The following SPTAN1 variants were observed in gnomAD, a reference collection of about 807,000 sequenced individuals.
The protein encoded by SPTAN1 is spectrin alpha, non-erythrocytic 1, also known as spectrin alpha chain, non-erythrocytic 1.
In SPTAN1, 61 loss-of-function variants were observed where a neutral mutation model predicts 331.3. The observed-to-expected ratio is 0.18, with a 90% CI of 0.15 to 0.23. The LOEUF is 0.23. SPTAN1 is among the 10% of genes least tolerant of loss of function. The pLI, the probability that SPTAN1 is intolerant of heterozygous loss-of-function variation, is 1.00. For synonymous variants in SPTAN1, 1,153 were observed against 1,173.9 expected, an observed-to-expected ratio of 0.98 and a Z score of 0.36; for missense variants, 2,043 against 3,147.9, an observed-to-expected ratio of 0.65 and a Z score of 8.40.
intron 21 of SPTAN1, among the ~76,000 whole-genome samples, chr9:128,589,413 C>T (rs1398666634): frequency 2.0e-5 from 3 of 151,652 alleles, no homozygotes; most frequent in Non-Finnish European, 2.9e-5. Flanking sequence ...CTCAGCCTCC[C>T]GAGTAGCTGG....
At chr9:128,565,350 GAATGTTTCC>G (rs1849900035) in intron 1 of SPTAN1, among the ~76,000 whole-genome samples, 1 of 152,156 alleles carries the variant, frequency 6.6e-6, no homozygotes, top group Admixed American at 6.6e-5. Context: ...GCATGGCGAA[GAATGTTTCC>G]TTTTATAGTA....
chr9:128,576,803 C>T lies in SPTAN1; in HGVS notation c.652-20C>T, dbSNP rs1234760542. On this transcript the variant is annotated intron_variant, in intron 5 of 56. Transcript: ENST00000372739. ...GCCAGAAGTTGTGTACAAATCCAGT[C>T]TCTTCTCTTCCTTGTTTAGGAGCAG... 1.2e-6 allele frequency: 2 copies of T among 1,612,964 alleles called. No individual in the cohort carries two copies. Among genetic ancestry groups the T allele is most frequent in the East Asian group, 2.2e-5 (1 of 44,884 alleles).
intron 1 of SPTAN1, among the ~76,000 whole-genome samples, chr9:128,566,353 CT>C (rs1468608535): frequency 6.6e-6 from 1 of 152,100 alleles, no homozygotes; most frequent in Non-Finnish European, 1.5e-5. Flanking sequence ...ACCGCACCCC[CT>C]GCTTGAAAGG....
chr9:128,596,299 C>T (rs1554753137), intron 24 of SPTAN1: 1 of 151,140 alleles, frequency 6.6e-6, no homozygotes, highest in Non-Finnish European at 1.5e-5. Flanking sequence ...TTTTTCGAGA[C>T]AGAGTCTCTC....
chr9:128,558,640 G>T (rs1323383984), intron 1 of SPTAN1, among the ~76,000 whole-genome samples: 2 of 152,134 alleles, frequency 1.3e-5, no homozygotes, highest in Admixed American at 6.5e-5. Flanking sequence ...CCTTTCTGGT[G>T]CTCTCAAAAG....
rs374834326 is a variant in SPTAN1, at chr9:128,607,839, C to T, written c.4147-13C>T. 2 of 1,613,824 alleles carry T rather than the reference C, an allele frequency of 1.2e-6. No homozygotes were observed. The highest frequency in any genetic ancestry group is 1.7e-6 in the Non-Finnish European group (2 of 1,180,026). On this transcript the variant is annotated splice_polypyrimidine_tract_variant and intron_variant, in intron 32 of 56. Transcript: ENST00000372739. ...TGCTGCCAGTTACCTAATCCCTTCC[C>T]TCCTTTTGGCAGGAACACCGGACAG...
At chr9:128,622,262 G>A (rs940144030) in intron 45 of SPTAN1, among the ~76,000 whole-genome samples, 1 of 146,058 alleles carries the variant, frequency 6.8e-6, no homozygotes, top group Non-Finnish European at 1.5e-5. Flanking sequence ...CAGTGTGAGT[G>A]TCCTTCAGCC....
At chr9:128,557,435 G>A (rs972926405) in intron 1 of SPTAN1, among the ~76,000 whole-genome samples, 6 of 152,138 alleles carry the variant, frequency 3.9e-5, no homozygotes, top group South Asian at 4.1e-4. Context: ...CCTTTGGTTC[G>A]AAAATGTTTG....
At chr9:128,603,921 G>A (rs1025069753) in intron 28 of SPTAN1, among the ~76,000 whole-genome samples, 2 of 152,222 alleles carry the variant, frequency 1.3e-5, no homozygotes, top group East Asian at 1.9e-4. Flanking sequence ...GTGGCGTGTC[G>A]GCTCTTCCCA....
Position 128,625,095 on chromosome 9 carries a change from T to C in SPTAN1, c.5993-8T>C. 1.2e-6 allele frequency: 2 copies of C among 1,614,078 alleles called. No individual in the cohort carries two copies. The highest frequency in any genetic ancestry group is 1.7e-6 in the Non-Finnish European group (2 of 1,179,978). ...AGGGCAGTATATTTTCCACACTTCG[T>C]TTTCTAGGTGAAAAGGAGAACAGCT... On this transcript the variant is annotated splice_polypyrimidine_tract_variant and splice_region_variant and intron_variant, in intron 46 of 56. Coordinates refer to ENST00000372739, the MANE Select transcript of SPTAN1 (RefSeq NM_001130438.3). This position sits in a 1 kb window ranked among gnomAD's most constrained non-coding sequence, Gnocchi z 4.1.
rs753881190 is a variant in SPTAN1 at position 128,578,206 on chromosome 9, T to C, written c.1182T>C (p.Ala394=). ...CAGATGAGCTTGCCAGTGATGTGGC[T>C]GGGGCTGAAGCCCTGCTAGATAGAC... ...INADELASDV[A]GAEALLDRHQ... Residue 394 remains alanine, a synonymous_variant, in exon 9 of 57, where the codon GCT becomes GCC. Coordinates refer to ENST00000372739, the MANE Select transcript of SPTAN1 (RefSeq NM_001130438.3). 1 of 1,614,182 alleles carries C rather than the reference T, an allele frequency of 6.2e-7. No individual in the cohort carries two copies. The highest frequency in any genetic ancestry group is 8.5e-7 in the Non-Finnish European group (1 of 1,180,040).
chr9:128,573,003 C>T (rs1289374304), intron 3 of SPTAN1, among the ~76,000 whole-genome samples: 1 of 152,158 alleles, frequency 6.6e-6, no homozygotes, highest in African/African-American at 2.4e-5. Flanking sequence ...TAAGAGAATC[C>T]ACCCATGTTG....
chr9:128,600,005 C>A, intron 26 of SPTAN1, 75 bp from the exon 27 acceptor site: 2 of 1,476,720 alleles, frequency 1.4e-6, no homozygotes, highest in South Asian at 1.1e-5. Context: ...AAACTAGAGT[C>A]ATTCGCTGGA....
Position 128,568,202 on chromosome 9 carries a change from C to G in SPTAN1, c.238-570C>G, listed in dbSNP as rs536550863. On this transcript the variant is annotated intron_variant, in intron 2 of 56. Coordinates refer to ENST00000372739, the MANE Select transcript of SPTAN1 (RefSeq NM_001130438.3). The stretch of plus-strand genomic sequence containing the variant: ...ACTATAAAAAATTGATTACAGTAAC[C>G]TAAGAAGAGAATGAAGAACACTGCT... 2.0e-5 allele frequency among the ~76,000 whole-genome samples: 3 copies of G among 152,166 alleles called. No homozygotes were observed. In the South Asian group the frequency reaches 6.2e-4, roughly 32 times the overall value.
chr9:128,591,458 C>T lies in SPTAN1; in HGVS notation c.3007-19C>T, dbSNP rs779899640. On this transcript the variant is annotated intron_variant, in intron 21 of 56. Coordinates refer to ENST00000372739, the MANE Select transcript of SPTAN1 (RefSeq NM_001130438.3). ...TCAGAGAAGGAATTTACTTTCAGTT[C>T]TCCCTCTTTTTTCCTTAGGATTGGT... 1.1e-5 allele frequency: 18 copies of T among 1,613,892 alleles called. No homozygotes were observed. The highest frequency in any genetic ancestry group is 1.5e-5 in the Non-Finnish European group (18 of 1,179,918).
chr9:128,624,079 T>C (rs1858346075), intron 45 of SPTAN1, among the ~76,000 whole-genome samples: 1 of 95,880 alleles, frequency 1.0e-5, no homozygotes, highest in Admixed American at 1.5e-4. Context: ...TGAAATTCAC[T>C]CCGTCTCAAA....
chr9:128,570,947 C>T (rs978094045), intron 3 of SPTAN1, among the ~76,000 whole-genome samples: 3 of 152,226 alleles, frequency 2.0e-5, no homozygotes, highest in African/African-American at 4.8e-5. Flanking sequence ...AGGCATGAGC[C>T]GCCGCTCCTG....
rs1852367176 is a variant in SPTAN1 at position 128,584,771 on chromosome 9, C to G, written c.2488C>G (p.Gln830Glu). The G allele has an allele frequency of 6.2e-7, 1 of 1,614,152 alleles. No individual in the cohort carries two copies. Among genetic ancestry groups the G allele is most frequent in the South Asian group, 1.1e-5 (1 of 91,086 alleles). The change falls in exon 18 of 57, where the codon CAA becomes GAA. Residue 830 changes from glutamine to glutamate, a missense_variant. By Grantham distance (29) the Gln-to-Glu change is conservative (BLOSUM62 2). Around this residue, in one of 12 missense-constraint regions of SPTAN1, gnomAD observed 1,038 missense variants for 1,531.5 expected, o/e 0.68. Coordinates refer to ENST00000372739, the MANE Select transcript of SPTAN1 (RefSeq NM_001130438.3). ...TCTGCTAAAGAAACATCAAGCCTTA[C>G]AAGCAGAAATTGCTGGACATGAACC... Reference protein sequence around the residue: ...QNLLKKHQALQAEIAGHEPRI... With the variant: ...QNLLKKHQALEAEIAGHEPRI...
chr9:128,567,912 C>T (rs1170159440), intron 2 of SPTAN1, among the ~76,000 whole-genome samples: 4 of 152,082 alleles, frequency 2.6e-5, no homozygotes, highest in African/African-American at 9.7e-5. Flanking sequence ...AGGCACGCGA[C>T]ACCACGCCCA....
Sources: gnomAD v4.1 joint callset for allele counts (sites outside exome capture counted in the v4.1 genomes callset) on GRCh38, gnomAD v4.1.1 for gene constraint, gnomAD v4.1.1 regional missense constraint, Gnocchi (gnomAD v3.1) non-coding constraint, MANE v1.5 for transcripts, NCBI Gene and HGNC (gene_info 2026-07-23, HGNC 2026-07-21) for gene names.